The following PACS2 variants were observed in gnomAD, a reference collection of about 807,000 sequenced individuals.
PACS2 encodes PACS1-like protein.
Under a neutral mutation model 113.0 loss-of-function variants are expected in PACS2, and 36 were observed. The observed-to-expected ratio is 0.32, with a 90% CI of 0.24 to 0.42. The LOEUF (loss-of-function observed/expected upper bound fraction) is 0.42, where lower values mean the gene tolerates loss of function less well. Ranked by LOEUF, PACS2 falls within the 10% of genes least tolerant of loss-of-function variation. The probability of loss-of-function intolerance (pLI) is 1.00; values close to 1 mark genes in which losing one functional copy is unlikely to be tolerated. For synonymous variants in PACS2, 589 were observed against 536.1 expected (o/e 1.10, Z -1.36); for missense variants, 1,015 against 1,239.5 (o/e 0.82, Z 2.72).
chr14:105,341,648 CAT>C (rs2140964820), intron 1 of PACS2, among the ~76,000 whole-genome samples: 1 of 152,324 alleles, frequency 6.6e-6, no homozygotes, highest in South Asian at 2.1e-4. Flanking sequence ...AAGCAAATAA[CAT>C]GTTTTGTTTA....
rs2081528698 is a variant in PACS2, at chr14:105,396,376, G to A, written c.*1704G>A. On this transcript the variant is annotated 3_prime_UTR_variant, in exon 25 of 25. Coordinates refer to ENST00000447393, the MANE Select transcript of PACS2 (RefSeq NM_001100913.3). ...CTGCCCCGAGAAGTGTCTGCGGTGAGGGTGTGAGCCCCGGGCTGATGGCCT... is the reference window on the plus strand; with the variant it reads ...CTGCCCCGAGAAGTGTCTGCGGTGAAGGTGTGAGCCCCGGGCTGATGGCCT... The A allele has an allele frequency of 6.6e-6, 1 of 152,384 alleles. No homozygotes were observed. The highest frequency in any genetic ancestry group is 2.1e-4 in the South Asian group (1 of 4,834). The allele number at this position is 152,384 out of a possible 1,614,324, so 9.4% of individuals were successfully genotyped here.
At chr14:105,383,888 C>G (rs587774413) in intron 16 of PACS2, 1 of 288,750 alleles carries the variant, frequency 3.5e-6, no homozygotes, top group South Asian at 5.1e-5. Flanking sequence ...AAGCAGGGCT[C>G]GTTATTAATC....
At chr14:105,389,532 G>A in intron 19 of PACS2, 1 of 196,048 alleles carries the variant, frequency 5.1e-6, no homozygotes, top group Non-Finnish European at 1.1e-5. Flanking sequence ...GAGTCCCAGG[G>A]CACTGGCAGC....
chr14:105,360,554 AAAAAG>A (rs1166621867), intron 4 of PACS2, among the ~76,000 whole-genome samples: 3 of 151,756 alleles, frequency 2.0e-5, no homozygotes, highest in South Asian at 4.2e-4. Context: ...AAAAAAAAAA[AAAAAG>A]AAAAGAAAAA....
intron 1 of PACS2, among the ~76,000 whole-genome samples, chr14:105,303,814 T>C (rs1309545551): frequency 6.6e-6 from 1 of 152,240 alleles, no homozygotes; most frequent in Non-Finnish European, 1.5e-5. Context: ...CTATGCAAAA[T>C]GCTCTCTGTC....
rs142091621 is a variant in PACS2 at position 105,380,103 on chromosome 14, G to T, written c.1074G>T (p.Arg358=). The change falls in exon 11 of 25, where the codon CGG becomes CGT. Residue 358 remains arginine, a synonymous_variant. Coordinates refer to ENST00000447393, the MANE Select transcript of PACS2 (RefSeq NM_001100913.3). The part of the protein sequence containing the change: ...PSPADVPEKT[R]SLGGRQPSDS... ...AGGCTGACGTGCCCGAGAAGACGCG[G>T]TCCCTGGGAGGCAGGCAGCCGAGCG... The T allele has an allele frequency of 5.2e-5, 81 of 1,553,112 alleles. No homozygotes were observed. The highest frequency in any genetic ancestry group is 6.5e-5 in the Non-Finnish European group (75 of 1,148,152).
At chr14:105,314,490 G>C (rs1465805082), upstream of PACS2, 1 of 148,376 alleles carries the variant, frequency 6.7e-6, no homozygotes, top group Non-Finnish European at 1.5e-5. Context: ...GGCGGGGTCT[G>C]TGCGCAGGCG....
intron 1 of PACS2, among the ~76,000 whole-genome samples, chr14:105,342,498 G>A (rs2140969720): frequency 6.6e-6 from 1 of 151,824 alleles, no homozygotes; most frequent in Middle Eastern, 3.4e-3. Context: ...CGAACTCCTG[G>A]CCTCAAGTGA....
In PACS2 at chr14:105,397,741, C is replaced by G. The variant is rs181071664; in HGVS notation, c.*3069C>G. 3.9e-5 allele frequency: 6 copies of G among 152,286 alleles called. No homozygotes were observed. Among genetic ancestry groups the G allele is most frequent in the African/African-American group, 1.4e-4 (6 of 41,448 alleles). 9.4% of individuals were successfully genotyped at this position (152,286 alleles called of 1,614,324 possible). ...GTACTGGCAGCCTTGCCACACTGTC[C>G]TCATTCCCAGATGGAAAGACCTGAG... On this transcript the variant is annotated 3_prime_UTR_variant, in exon 25 of 25. Transcript: ENST00000447393.
At chr14:105,307,388 A>C (rs1473276426) in intron 1 of PACS2, among the ~76,000 whole-genome samples, 1 of 152,194 alleles carries the variant, frequency 6.6e-6, no homozygotes, top group African/African-American at 2.4e-5. Flanking sequence ...AATTCTGCTC[A>C]GCTTGCCTCC....
At chr14:105,386,987 T>C (rs1171164049) in intron 19 of PACS2, among the ~76,000 whole-genome samples, 1 of 152,170 alleles carries the variant, frequency 6.6e-6, no homozygotes, top group Non-Finnish European at 1.5e-5. Context: ...AGGTCAGCTC[T>C]TCCAAGCAGC....
chr14:105,347,096 G>A (rs1033808205), intron 1 of PACS2, among the ~76,000 whole-genome samples: 14 of 146,792 alleles, frequency 9.5e-5, no homozygotes, highest in Admixed American at 6.1e-4. Context: ...AGTCAGGCGC[G>A]TCCCACCCAG....
At chr14:105,381,417 A>T (rs1320264294) in intron 12 of PACS2, among the ~76,000 whole-genome samples, 1 of 152,174 alleles carries the variant, frequency 6.6e-6, no homozygotes, top group Non-Finnish European at 1.5e-5. Flanking sequence ...CACCAGCTTG[A>T]TTCTTCCAGG....
chr14:105,310,622 G>A (rs1022977460), upstream of PACS2, among the ~76,000 whole-genome samples: 1 of 152,106 alleles, frequency 6.6e-6, no homozygotes, highest in East Asian at 1.9e-4. Flanking sequence ...GTTGCGTTGG[G>A]TGAGGGTTCC....
At chr14:105,364,384 C>T (rs1321899092) in intron 4 of PACS2, among the ~76,000 whole-genome samples, 4,913 of 93,146 alleles carry the variant, frequency 0.053, 620 homozygotes, top group African/African-American at 0.21. Context: ...GTCCCGGGTG[C>T]GCGGTGGGCG....
chr14:105,333,982 G>T (rs587764341), intron 1 of PACS2, among the ~76,000 whole-genome samples: 1 of 152,236 alleles, frequency 6.6e-6, no homozygotes, highest in South Asian at 2.1e-4. Flanking sequence ...GCCCATTCCT[G>T]CTGGGAGACA....
At chr14:105,392,440 G>A in intron 22 of PACS2, 179 bp from the exon 23 acceptor site, 3 of 610,468 alleles carry the variant, frequency 4.9e-6, no homozygotes, top group Non-Finnish European at 8.7e-6. Context: ...CAGGACCCTT[G>A]TGGGGGTGAC....
intron 1 of PACS2, among the ~76,000 whole-genome samples, chr14:105,304,822 C>T (rs1190706163): frequency 6.6e-6 from 1 of 152,234 alleles, no homozygotes; most frequent in East Asian, 1.9e-4. Context: ...GGGAAACTCC[C>T]TCTTATAAAA....
In PACS2 at chr14:105,358,202, G is replaced by A. The variant is rs2060529614; in HGVS notation, c.423+3025G>A. On this transcript the variant is annotated intron_variant, in intron 4 of 24. Transcript: ENST00000447393. The surrounding 1 kb of genome is among the most constrained non-coding windows in gnomAD (Gnocchi z 4.9). ...AGGCTGAGGAAGTGGAGTCCAAGGTGGCCCAGGGTAGGGGCCGGGCCTCAT... is the reference window on the plus strand; with the variant it reads ...AGGCTGAGGAAGTGGAGTCCAAGGTAGCCCAGGGTAGGGGCCGGGCCTCAT... Among the ~76,000 whole-genome samples, 1 of 152,230 alleles carries A rather than the reference G, an allele frequency of 6.6e-6. No individual in the cohort carries two copies. The highest frequency in any genetic ancestry group is 6.5e-5 in the Admixed American group (1 of 15,288).
Sources: allele counts gnomAD v4.1 joint callset (sites outside exome capture counted in the v4.1 genomes callset), GRCh38; gene constraint gnomAD v4.1.1; non-coding constraint Gnocchi (gnomAD v3.1); transcripts MANE v1.5; gene names NCBI Gene and HGNC (gene_info 2026-07-23, HGNC 2026-07-21).